TBCD: variants seen among roughly 807,000 people sequenced by gnomAD.
TBCD encodes tubulin folding cofactor D.
TBCD carries 105 observed loss-of-function variants against 169.3 expected under a neutral mutation model. That is an observed-to-expected ratio of 0.62 (90% CI 0.53 to 0.73). TBCD has a LOEUF of 0.73. TBCD is among the 30% of genes least tolerant of loss of function. The pLI is 0.00. For synonymous variants in TBCD, 700 were observed against 643.9 expected (o/e 1.09, Z -1.32); for missense variants, 1,444 against 1,600.1 (o/e 0.90, Z 1.66).
chr17:82,912,653 C>T (rs977289938), intron 23 of TBCD, among the ~76,000 whole-genome samples: 13 of 151,710 alleles, frequency 8.6e-5, no homozygotes, highest in South Asian at 2.1e-4. Context: ...CTGAGGTCTG[C>T]GTGGTCTGAG....
In TBCD at chr17:82,939,380, C is replaced by A. The variant is rs1326153990; in HGVS notation, c.3383C>A (p.Thr1128Lys). The A allele has an allele frequency of 1.2e-6, 2 of 1,612,072 alleles. No individual in the cohort carries two copies. The highest frequency in any genetic ancestry group is 1.7e-6 in the Non-Finnish European group (2 of 1,179,516). Residue 1128 changes from threonine (T) to lysine (K), a missense_variant, in exon 37 of 39, where the codon ACG becomes AAG. Transcript: ENST00000355528. ...TCCCTGTCCCAGATCCGGAAGACCA[C>A]GGCCAGCCAGGTGTACGAGACATTG... ...CHRFPLIRKT[T>K]ASQVYETLLT...
Position 82,944,802 on chromosome 17 carries a change from C to T in TBCD, c.*2339C>T, listed in dbSNP as rs1053843735. 2 of 152,312 alleles carry T rather than the reference C, an allele frequency of 1.3e-5. No individual in the cohort carries two copies. The highest frequency in any genetic ancestry group is 6.5e-5 in the Admixed American group (1 of 15,304). 9.4% of individuals were successfully genotyped at this position (152,312 alleles called of 1,614,324 possible). On this transcript the variant is annotated 3_prime_UTR_variant, in exon 39 of 39. Coordinates refer to ENST00000355528, the MANE Select transcript of TBCD (RefSeq NM_005993.5). ...TTTCTGCTGAGCCCTGGAATCTAGT[C>T]ACGCTATTTTGATAGCAGAATGGAT...
rs569131620 is a variant in TBCD, at chr17:82,824,233, G to A, written c.1318+9299G>A. ...GTCTTGCTCTATCACCCAGGCTGGA[G>A]TGCAGTGGTGCGATCTCGGCTCACT... On this transcript the variant is annotated intron_variant, in intron 13 of 38. Coordinates refer to ENST00000355528, the MANE Select transcript of TBCD (RefSeq NM_005993.5). 2.6e-5 allele frequency among the ~76,000 whole-genome samples: 4 copies of A among 151,884 alleles called. No homozygotes were observed. In the South Asian group the frequency reaches 8.3e-4, roughly 32 times the overall value.
intron 21 of TBCD, among the ~76,000 whole-genome samples, 170 bp from the exon 22 acceptor site, chr17:82,909,115 G>A (rs974285497): frequency 2.0e-5 from 3 of 152,202 alleles, no homozygotes; most frequent in African/African-American, 7.2e-5. Context: ...GTTAAACAAG[G>A]CCATCTGCGT....
chr17:82,754,234 G>C (rs1221238294), intron 1 of TBCD, among the ~76,000 whole-genome samples: 1 of 152,172 alleles, frequency 6.6e-6, no homozygotes, highest in Non-Finnish European at 1.5e-5. Flanking sequence ...CTGGGGGAAA[G>C]GGTGGGGGTG....
chr17:82,778,130 G>C (rs1189833552), intron 6 of TBCD, among the ~76,000 whole-genome samples: 3 of 152,190 alleles, frequency 2.0e-5, no homozygotes, highest in Admixed American at 6.5e-5. Flanking sequence ...TTGGAATAAA[G>C]AATAATTGCT....
chr17:82,867,939 G>T (rs2057293839), intron 13 of TBCD, among the ~76,000 whole-genome samples: 1 of 152,100 alleles, frequency 6.6e-6, no homozygotes, highest in Non-Finnish European at 1.5e-5. Flanking sequence ...AGGTCCCCCA[G>T]GGGGAGGACT....
intron 32 of TBCD, chr17:82,929,759 C>T: frequency 1.7e-6 from 1 of 600,694 alleles, no homozygotes. Flanking sequence ...CCTTGGAGCT[C>T]CCAGCGTCCC....
chr17:82,814,342 G>C (rs1015584603), intron 12 of TBCD, among the ~76,000 whole-genome samples: 1 of 152,164 alleles, frequency 6.6e-6, no homozygotes, highest in Non-Finnish European at 1.5e-5. Flanking sequence ...TACTTGGAGC[G>C]ACACCACTGT....
intron 13 of TBCD, chr17:82,830,918 G>A (rs749324501): frequency 6.2e-7 from 1 of 1,612,958 alleles, no homozygotes; most frequent in African/African-American, 1.3e-5. Flanking sequence ...AGCTTGCTTA[G>A]AAAAGCAACT....
intron 22 of TBCD, among the ~76,000 whole-genome samples, chr17:82,911,402 G>C (rs903055075): frequency 1.3e-5 from 2 of 151,620 alleles, no homozygotes. Flanking sequence ...GAACCGCAGT[G>C]CACTGCTTCT....
intron 33 of TBCD, chr17:82,932,267 A>T (rs958311883): frequency 2.8e-6 from 1 of 358,914 alleles, no homozygotes; most frequent in African/African-American, 2.1e-5. Flanking sequence ...TACATGGTAT[A>T]GCGTCGGCAC....
At chr17:82,825,822 G>T (rs752378837) in intron 13 of TBCD, among the ~76,000 whole-genome samples, 12 of 152,214 alleles carry the variant, frequency 7.9e-5, no homozygotes, top group Non-Finnish European at 1.6e-4. Flanking sequence ...TTACAGGGCT[G>T]GGCGCCATGT....
chr17:82,927,418 T>G (rs1367478757), intron 29 of TBCD, 95 bp downstream of exon 29: 3 of 1,457,066 alleles, frequency 2.1e-6, no homozygotes, highest in Non-Finnish European at 2.8e-6. Flanking sequence ...GGAGAAATCT[T>G]TGTAGATTTG....
chr17:82,801,872 T>C (rs1224090876), intron 9 of TBCD, among the ~76,000 whole-genome samples: 3 of 131,152 alleles, frequency 2.3e-5, no homozygotes, highest in African/African-American at 9.1e-5. Flanking sequence ...GAGGGCGTCG[T>C]GTGCGTCGTG....
At chr17:82,929,596 C>G (rs1392020331) in intron 32 of TBCD, 96 bp downstream of exon 32, 7 of 1,496,246 alleles carry the variant, frequency 4.7e-6, no homozygotes, top group Non-Finnish European at 6.4e-6. Flanking sequence ...TGGGCCTTTT[C>G]TTCCATTGCT....
rs1285187622 is a variant in TBCD at position 82,890,260 on chromosome 17, G to GGTCTT, written c.1563+564_1563+565insTCTTG. ...TTGTGTGTGATGACGTCACATCTTG[G>GGTCTT]GCGTGTGGTTGGGTCTTGCAGGAGA... is the stretch of plus-strand genomic sequence containing the variant. On this transcript the variant is annotated intron_variant, in intron 16 of 38. Transcript: ENST00000355528. This position sits in a 1 kb window ranked among gnomAD's most constrained non-coding sequence, Gnocchi z 5.3. Among the ~76,000 whole-genome samples, 2 of 152,230 alleles carry GGTCTT rather than the reference G, an allele frequency of 1.3e-5. No homozygotes were observed. Among genetic ancestry groups the GGTCTT allele is most frequent in the Non-Finnish European group, 2.9e-5 (2 of 68,050 alleles).
chr17:82,910,966 C>T (rs2060599208), intron 22 of TBCD, among the ~76,000 whole-genome samples: 1 of 152,202 alleles, frequency 6.6e-6, no homozygotes. Flanking sequence ...CCTAGTCCTT[C>T]CAGGCTGCTC....
chr17:82,891,284 C>T (rs1366674997), intron 16 of TBCD, among the ~76,000 whole-genome samples: 8 of 152,220 alleles, frequency 5.3e-5, no homozygotes, highest in Non-Finnish European at 1.2e-4. Flanking sequence ...AAGGCCTTTA[C>T]ACTTGGTCTA....
Sources: allele counts gnomAD v4.1 joint callset (sites outside exome capture counted in the v4.1 genomes callset), GRCh38; gene constraint gnomAD v4.1.1; non-coding constraint Gnocchi (gnomAD v3.1); transcripts MANE v1.5; gene names NCBI Gene and HGNC (gene_info 2026-07-23, HGNC 2026-07-21).